Variants in LARGE1 observed in about 807,000 individuals in gnomAD.
The protein encoded by LARGE1 is xylosyl- and glucuronyltransferase LARGE1.
A neutral mutation model predicts 87.6 loss-of-function variants in LARGE1; 43 were observed. The ratio of observed to expected loss-of-function variants is 0.49; its 90% CI spans 0.38 to 0.63. LARGE1 has a LOEUF of 0.63. Among genes scored for constraint, LARGE1 ranks in the 30% least tolerant of loss-of-function variants. The probability of loss-of-function intolerance (pLI) is 0.00; values close to 1 mark genes in which losing one functional copy is unlikely to be tolerated. For missense variants in LARGE1, 802 were observed against 1,000.2 expected, an observed-to-expected ratio of 0.80 and a Z score of 2.67; for synonymous variants, 434 against 394.6, an observed-to-expected ratio of 1.10 and a Z score of -1.18.
chr22:33,147,716 C>G, the LARGE1 span, among the ~76,000 whole-genome samples: 2 of 152,108 alleles, frequency 1.3e-5, no homozygotes, highest in African/African-American at 4.8e-5. Context: ...ATTTGGTTTT[C>G]GGCAGTTTTT....
At chr22:33,846,124 C>T (rs2063422746) in intron 1 of LARGE1, among the ~76,000 whole-genome samples, 1 of 152,208 alleles carries the variant, frequency 6.6e-6, no homozygotes, top group South Asian at 2.1e-4. Context: ...GACTTCATAG[C>T]TAGATCTAGG....
chr22:33,113,586 C>T, the LARGE1 span, among the ~76,000 whole-genome samples: 2 of 152,194 alleles, frequency 1.3e-5, no homozygotes, highest in Non-Finnish European at 2.9e-5. Context: ...ACCAAGAGAG[C>T]TTAAGTGACT....
In LARGE1 at chr22:33,278,496, C is replaced by G. The variant is rs543915116; in HGVS notation, c.1878-1241G>C. On this transcript the variant is annotated intron_variant, in intron 13 of 14. Transcript: ENST00000397394. Reference sequence around the variant, plus strand: ...ACAATCATATAACCACAATAAGAAGCAGCTAATATTAGTTAACCACTTACT... The same window carrying G: ...ACAATCATATAACCACAATAAGAAGGAGCTAATATTAGTTAACCACTTACT... 2.6e-5 allele frequency among the ~76,000 whole-genome samples: 4 copies of G among 152,086 alleles called. No individual in the cohort carries two copies. The South Asian group carries it at 8.3e-4, about 32-fold the overall frequency.
chr22:33,091,072 A>G, the LARGE1 span, among the ~76,000 whole-genome samples: 1 of 152,162 alleles, frequency 6.6e-6, no homozygotes, highest in Non-Finnish European at 1.5e-5. Flanking sequence ...AGCCCTTCAA[A>G]TATTCGAAGA....
intron 2 of LARGE1, among the ~76,000 whole-genome samples, chr22:33,669,270 C>A (rs1047656251): frequency 6.6e-6 from 1 of 152,182 alleles, no homozygotes; most frequent in African/African-American, 2.4e-5. Context: ...CTAGGGAAAA[C>A]AGGAAATCTT....
intron 2 of LARGE1, among the ~76,000 whole-genome samples, chr22:33,654,838 G>A (rs1023344248): frequency 3.3e-5 from 5 of 152,110 alleles, no homozygotes; most frequent in African/African-American, 9.7e-5. Flanking sequence ...AAGGAGCTTG[G>A]GTGAAGAACC....
chr22:33,433,013 C>T (rs957943223), intron 6 of LARGE1, among the ~76,000 whole-genome samples: 1 of 152,190 alleles, frequency 6.6e-6, no homozygotes, highest in Non-Finnish European at 1.5e-5. Context: ...GCCTTGTGGT[C>T]AATCTCTTAG....
rs575355209 is a variant in LARGE1, at chr22:33,710,796, C to T, written c.106+50575G>A. Among the ~76,000 whole-genome samples, 6 of 152,184 alleles carry T rather than the reference C, an allele frequency of 3.9e-5. No individual in the cohort carries two copies. In the East Asian group the frequency reaches 1.2e-3, roughly 29 times the overall value. The stretch of plus-strand genomic sequence containing the variant: ...TCCTACACATTAGAGAAGGAAATGG[C>T]AAAATTCTTTAAAACCAGGGGCACA... On this transcript the variant is annotated intron_variant, in intron 2 of 14. Transcript: ENST00000397394.
In LARGE1 at chr22:33,183,601, AAC is replaced by A. The variant is rs779274464; in HGVS notation, c.1731-16771_1731-16770del. 3.5e-3 allele frequency among the ~76,000 whole-genome samples: 363 copies of A among 104,222 alleles called. 2 individuals are homozygous for A. The highest frequency in any genetic ancestry group is 6.2e-3 in the African/African-American group (166 of 26,950). The allele number at this position is 104,222 out of a possible 152,430, so 68.4% of individuals were successfully genotyped here. The stretch of plus-strand genomic sequence containing the variant: ...AACCTAAGTCTCTATTGATGGATAA[AAC>A]ACACACACACACACACGCACACACA... On this transcript the variant is annotated intron_variant, in intron 11 of 11. Coordinates refer to the LARGE1 transcript ENST00000608642.
chr22:33,339,080 G>A (rs1404930616), intron 9 of LARGE1, among the ~76,000 whole-genome samples: 4 of 151,790 alleles, frequency 2.6e-5, no homozygotes, highest in African/African-American at 9.7e-5. Flanking sequence ...CCCAGGAGGT[G>A]GAGGTTGCGG....
chr22:33,847,962 C>CA (rs978987395), intron 1 of LARGE1, among the ~76,000 whole-genome samples: 3 of 151,860 alleles, frequency 2.0e-5, no homozygotes, highest in Non-Finnish European at 4.4e-5. Flanking sequence ...CTGGTGGTTA[C>CA]AAAAAAAACT....
intron 6 of LARGE1, among the ~76,000 whole-genome samples, chr22:33,453,725 C>G (rs1314686854): frequency 1.3e-5 from 2 of 152,170 alleles, no homozygotes; most frequent in African/African-American, 4.8e-5. Flanking sequence ...GCTAAACTCA[C>G]CTAGGAACGG....
At chr22:33,154,834 C>T in the LARGE1 span, among the ~76,000 whole-genome samples, 3 of 152,210 alleles carry the variant, frequency 2.0e-5, no homozygotes, top group Admixed American at 6.5e-5. Context: ...GTAACTGCCA[C>T]AGTTCCCATG....
intron 5 of LARGE1, among the ~76,000 whole-genome samples, chr22:33,565,736 C>G (rs979494135): frequency 6.6e-6 from 1 of 152,220 alleles, no homozygotes; most frequent in Non-Finnish European, 1.5e-5. Flanking sequence ...ACACATAGGA[C>G]AGAAATGAAC....
chr22:33,597,715 T>C (rs2079015989), intron 5 of LARGE1, among the ~76,000 whole-genome samples: 1 of 152,080 alleles, frequency 6.6e-6, no homozygotes, highest in South Asian at 2.1e-4. Flanking sequence ...AGGTGAATCA[T>C]GAAACAGCCA....
chr22:33,411,849 G>A (rs5998935), intron 7 of LARGE1, among the ~76,000 whole-genome samples: 88,512 of 152,070 alleles, frequency 0.58, 26,193 homozygotes, highest in Non-Finnish European at 0.6. Context: ...TGTAGAAGAC[G>A]CCCAATATTT....
At chr22:33,656,730 A>G (rs181016130) in intron 2 of LARGE1, among the ~76,000 whole-genome samples, 2 of 151,638 alleles carry the variant, frequency 1.3e-5, no homozygotes, top group East Asian at 3.9e-4. Flanking sequence ...GGTTCAGCCC[A>G]CTTTCAGCTT....
At chr22:33,398,063 G>A (rs1164228588) in intron 7 of LARGE1, among the ~76,000 whole-genome samples, 4 of 152,024 alleles carry the variant, frequency 2.6e-5, no homozygotes, top group Non-Finnish European at 4.4e-5. Flanking sequence ...AAGGAATGTG[G>A]GTCCTGAAGC....
chr22:33,891,534 A>G (rs890674585), intron 1 of LARGE1, among the ~76,000 whole-genome samples: 2 of 152,036 alleles, frequency 1.3e-5, no homozygotes, highest in Non-Finnish European at 2.9e-5. Flanking sequence ...GCATGACTTT[A>G]GCAAGTAACT....
Sources: gnomAD v4.1 joint callset for allele counts (sites outside exome capture counted in the v4.1 genomes callset) on GRCh38, gnomAD v4.1.1 for gene constraint, MANE v1.5 for transcripts, NCBI Gene and HGNC (gene_info 2026-07-23, HGNC 2026-07-21) for gene names.